ARSJ: variants seen among roughly 807,000 people sequenced by gnomAD.
ARSJ encodes the protein arylsulfatase J.
A neutral mutation model predicts 35.9 loss-of-function variants in ARSJ; 26 were observed. The observed-to-expected ratio is 0.72, with a 90% CI of 0.53 to 1.00. The LOEUF (loss-of-function observed/expected upper bound fraction) is 1.00, where lower values mean the gene tolerates loss of function less well. ARSJ is among the 50% of genes least tolerant of loss of function. The pLI is 0.00. For missense variants in ARSJ, 667 were observed against 723.6 expected, an observed-to-expected ratio of 0.92 and a Z score of 0.90; for synonymous variants, 294 against 267.6, an observed-to-expected ratio of 1.10 and a Z score of -0.96.
chr4:113,923,672 A>G (rs1217002323), intron 1 of ARSJ, among the ~76,000 whole-genome samples: 2 of 152,024 alleles, frequency 1.3e-5, no homozygotes, highest in African/African-American at 2.4e-5. Flanking sequence ...GCCATTGTCC[A>G]TGTTTAAAAG....
At position 113,955,485 on chromosome 4, in the gene ARSJ, C is replaced by G. The variant is rs187122955; in HGVS notation, c.398+22952G>C. Among the ~76,000 whole-genome samples, 524 of 151,214 alleles carry G rather than the reference C, an allele frequency of 3.5e-3. 2 individuals are homozygous for G. Among genetic ancestry groups the G allele is most frequent in the African/African-American group, 0.012 (495 of 41,270 alleles). On this transcript the variant is annotated intron_variant, in intron 1 of 1. Transcript: ENST00000315366. Reference sequence around the variant, plus strand: ...GCAATACTCAAGCCCAGGTTCCATGCCATCTGCAGGAGCTGTGCCACCGTT... The same window carrying G: ...GCAATACTCAAGCCCAGGTTCCATGGCATCTGCAGGAGCTGTGCCACCGTT...
intron 1 of ARSJ, among the ~76,000 whole-genome samples, chr4:113,951,807 T>C (rs1416336470): frequency 3.3e-5 from 5 of 152,080 alleles, no homozygotes; most frequent in Non-Finnish European, 7.4e-5. Context: ...ATCTGAATCA[T>C]GCGTTTAAGA....
At chr4:113,940,926 G>A (rs1725120057) in intron 1 of ARSJ, among the ~76,000 whole-genome samples, 1 of 151,930 alleles carries the variant, frequency 6.6e-6, no homozygotes, top group African/African-American at 2.4e-5. Context: ...CTACACAACT[G>A]ATTTCTTTGT....
At chr4:113,970,587 C>T (rs534424535) in intron 1 of ARSJ, 1 of 152,322 alleles carries the variant, frequency 6.6e-6, no homozygotes, top group Admixed American at 6.6e-5. Context: ...CAGTGGGGGA[C>T]CTGGGAGGGT....
At chr4:113,955,056 A>G (rs1305332740) in intron 1 of ARSJ, among the ~76,000 whole-genome samples, 2 of 147,494 alleles carry the variant, frequency 1.4e-5, no homozygotes, top group Admixed American at 1.4e-4. Context: ...TTCCAAGCCT[A>G]TACCAGATGG....
At chr4:113,973,610 T>C (rs1167509772) in intron 1 of ARSJ, among the ~76,000 whole-genome samples, 1 of 152,234 alleles carries the variant, frequency 6.6e-6, no homozygotes, top group Admixed American at 6.5e-5. Flanking sequence ...GTATTTTTAC[T>C]GCATTTCTTT....
chr4:113,903,652 T>C lies in ARSJ; in HGVS notation c.422A>G (p.Gln141Arg). Residue 141 changes from glutamine to arginine, a missense_variant, in exon 2 of 2, where the codon CAA becomes CGA. Gln to Arg is a conservative substitution (Grantham distance 43). Coordinates refer to ENST00000315366, the MANE Select transcript of ARSJ (RefSeq NM_024590.4). The stretch of plus-strand genomic sequence containing the variant: ...TTGGGTAGGTCTTATGATAGAATGT[T>C]GAAGTCCGGTGTGTATCTGATACCT... ...TGKYQIHTGL[Q>R]HSIIRPTQPN... is the part of the protein sequence containing the mutation. 6.2e-7 allele frequency: 1 copy of C among 1,612,692 alleles called. No individual in the cohort carries two copies. Among genetic ancestry groups the C allele is most frequent in the Non-Finnish European group, 8.5e-7 (1 of 1,178,738 alleles).
rs1326670679 is a variant in ARSJ, at chr4:113,900,983, T to C, written c.*1291A>G. 1 of 152,164 alleles carries C rather than the reference T, an allele frequency of 6.6e-6. No individual in the cohort carries two copies. The highest frequency in any genetic ancestry group is 1.9e-4 in the East Asian group (1 of 5,202). The allele number at this position is 152,164 out of a possible 1,614,324, so 9.4% of individuals were successfully genotyped here. A position where few individuals can be genotyped will look rare whatever the true frequency, so the allele number is the denominator to read the frequency against. ...CAACTAGTTTTGCACCAACCTAATA[T>C]AAATGTTAGTTATTATTATGGGAAA... On this transcript the variant is annotated 3_prime_UTR_variant, in exon 2 of 2. Coordinates refer to ENST00000315366, the MANE Select transcript of ARSJ (RefSeq NM_024590.4).
intron 1 of ARSJ, among the ~76,000 whole-genome samples, chr4:113,958,480 A>G (rs897227454): frequency 3.3e-5 from 5 of 152,016 alleles, no homozygotes; most frequent in Non-Finnish European, 4.4e-5. Context: ...TTATTTTTCT[A>G]TTTGCACTAT....
In ARSJ at chr4:113,978,857, T is replaced by C. The variant is rs781039868; in HGVS notation, c.-23A>G. ...CATTCACTCAGGTCCCAGGTGAGAC[T>C]CCACGCGGAGAACCACGCGCCCCGC... On this transcript the variant is annotated 5_prime_UTR_variant, in exon 1 of 2. Transcript: ENST00000315366. The C allele has an allele frequency of 1.3e-6, 2 of 1,566,642 alleles. No individual in the cohort carries two copies. Among genetic ancestry groups the C allele is most frequent in the Non-Finnish European group, 1.7e-6 (2 of 1,159,482 alleles).
At chr4:113,907,136 A>G (rs750767735) in intron 1 of ARSJ, among the ~76,000 whole-genome samples, 8 of 152,220 alleles carry the variant, frequency 5.3e-5, no homozygotes, top group Non-Finnish European at 8.8e-5. Flanking sequence ...TTGAAAAATC[A>G]AGGAGCAGAG....
At chr4:113,916,071 G>A (rs1723276803) in intron 1 of ARSJ, among the ~76,000 whole-genome samples, 1 of 152,190 alleles carries the variant, frequency 6.6e-6, no homozygotes, top group Non-Finnish European at 1.5e-5. Flanking sequence ...ATAGCCCAAT[G>A]TCTCACAGGG....
intron 1 of ARSJ, among the ~76,000 whole-genome samples, chr4:113,920,582 A>G (rs1168902377): frequency 6.6e-6 from 1 of 152,150 alleles, no homozygotes; most frequent in African/African-American, 2.4e-5. Context: ...TAGCCACTAA[A>G]AGCTGAAATA....
chr4:113,924,235 T>TC (rs1399178586), intron 1 of ARSJ, among the ~76,000 whole-genome samples: 18 of 150,396 alleles, frequency 1.2e-4, no homozygotes, highest in Admixed American at 2.0e-4. Flanking sequence ...GAACTTGGAG[T>TC]CCAACGTTCG....
In ARSJ at chr4:113,902,318, C is replaced by T; in HGVS notation, c.1756G>A (p.Ala586Thr). The T allele has an allele frequency of 1.2e-6, 2 of 1,613,078 alleles. No individual in the cohort carries two copies. The highest frequency in any genetic ancestry group is 1.7e-6 in the Non-Finnish European group (2 of 1,180,000). ...GAATGGCAAGTTGAACCTGAGACTG[C>T]TTTCTGCTGTTTCTTCTTCTTTTTT... is the stretch of plus-strand genomic sequence containing the variant. ...SKKKKKKQQK[A>T]VSGSTCHSGV... Residue 586 changes from alanine to threonine, a missense_variant, in exon 2 of 2, where the codon GCA becomes ACA. Ala to Thr is a moderately conservative substitution (Grantham distance 58). Coordinates refer to ENST00000315366, the MANE Select transcript of ARSJ (RefSeq NM_024590.4).
chr4:113,940,012 G>A (rs1160521403), intron 1 of ARSJ, among the ~76,000 whole-genome samples: 1 of 152,108 alleles, frequency 6.6e-6, no homozygotes, highest in Admixed American at 6.6e-5. Context: ...CGAGGCTGTG[G>A]AGAAATAAGA....
chr4:113,918,744 A>G (rs1594407466), intron 1 of ARSJ, among the ~76,000 whole-genome samples: 1 of 152,284 alleles, frequency 6.6e-6, no homozygotes, highest in South Asian at 2.1e-4. Flanking sequence ...TTTGGATTTT[A>G]AATTCCAATA....
At chr4:113,963,278 G>T (rs1726676704) in intron 1 of ARSJ, among the ~76,000 whole-genome samples, 1 of 151,998 alleles carries the variant, frequency 6.6e-6, no homozygotes, top group Admixed American at 6.6e-5. Flanking sequence ...TCCTCATGTT[G>T]CTATAAAGGA....
intron 1 of ARSJ, among the ~76,000 whole-genome samples, chr4:113,936,598 C>T (rs1274862354): frequency 6.6e-6 from 1 of 151,746 alleles, no homozygotes; most frequent in Non-Finnish European, 1.5e-5. Context: ...TTGTACTACA[C>T]TAAAATAATC....
Sources: gnomAD v4.1 joint callset for allele counts (sites outside exome capture counted in the v4.1 genomes callset) on GRCh38, gnomAD v4.1.1 for gene constraint, MANE v1.5 for transcripts, NCBI Gene and HGNC (gene_info 2026-07-23, HGNC 2026-07-21) for gene names.